CACNA1G: variants seen among roughly 807,000 people sequenced by gnomAD.
CACNA1G encodes calcium voltage-gated channel subunit alpha1 G.
A neutral mutation model predicts 219.4 loss-of-function variants in CACNA1G; 67 were observed. That is an observed-to-expected ratio of 0.31 (90% CI 0.25 to 0.37). The LOEUF (loss-of-function observed/expected upper bound fraction) is 0.37. Ranked by LOEUF, CACNA1G falls within the 10% of genes least tolerant of loss-of-function variation. The probability of loss-of-function intolerance (pLI) is 1.00; values close to 1 mark genes in which losing one functional copy is unlikely to be tolerated. For synonymous variants in CACNA1G, 1,296 were observed against 1,345.3 expected (o/e 0.96, Z 0.80); for missense variants, 2,380 against 3,231.4 (o/e 0.74, Z 6.39).
intron 9 of CACNA1G, among the ~76,000 whole-genome samples, chr17:50,589,898 C>CTT (rs1478322502): frequency 6.8e-6 from 1 of 146,592 alleles, no homozygotes; most frequent in African/African-American, 2.7e-5. Context: ...GCATTTTTCT[C>CTT]TCTCTCTCTC....
Position 50,623,978 on chromosome 17 carries a change from G to T in CACNA1G, c.6132G>T (p.Thr2044=), listed in dbSNP as rs773558567. 6 of 1,613,302 alleles carry T rather than the reference G, an allele frequency of 3.7e-6. No individual in the cohort carries two copies. Among genetic ancestry groups the T allele is most frequent in the Non-Finnish European group, 5.1e-6 (6 of 1,179,842 alleles). ...TGCGGAAGTCTGGGGTCAGCCGAAC[G>T]CACTCTCTGCCCAATGACAGCTACA... The part of the protein sequence containing the change: ...LTVRKSGVSR[T]HSLPNDSYMC... Residue 2044 remains threonine, a synonymous_variant, in exon 36 of 38, where the codon ACG becomes ACT. Coordinates refer to ENST00000359106, the MANE Select transcript of CACNA1G (RefSeq NM_018896.5).
In CACNA1G at chr17:50,575,622, A is replaced by G. The variant is rs1385019855; in HGVS notation, c.1220A>G (p.Gln407Arg). 1 of 1,613,798 alleles carries G rather than the reference A, an allele frequency of 6.2e-7. No homozygotes were observed. Among genetic ancestry groups the G allele is most frequent in the Non-Finnish European group, 8.5e-7 (1 of 1,179,888 alleles). ...TCAGAGACCAAGCAGCGGGAAAGCC[A>G]GCTGATGCGGGAGCAGCGTGTGCGG... ...QFSETKQRES[Q>R]LMREQRVRFL... Residue 407 changes from glutamine (Q) to arginine (R), a missense_variant, in exon 8 of 38, where the codon CAG (glutamine) becomes CGG (arginine). Gln to Arg is a conservative substitution (Grantham distance 43). Around this residue, in one of 17 missense-constraint regions of CACNA1G, gnomAD observed 72 missense variants for 175.8 expected, o/e 0.41. Coordinates refer to ENST00000359106, the MANE Select transcript of CACNA1G (RefSeq NM_018896.5).
At chr17:50,566,714 G>A (rs1312471448) in intron 1 of CACNA1G, among the ~76,000 whole-genome samples, 3 of 152,192 alleles carry the variant, frequency 2.0e-5, no homozygotes, top group Non-Finnish European at 2.9e-5. Flanking sequence ...TGGTTGATTC[G>A]TTCATTCATT....
chr17:50,623,538 C>T lies in CACNA1G; in HGVS notation c.6061-369C>T, dbSNP rs1275245527. 4.0e-5 allele frequency among the ~76,000 whole-genome samples: 6 copies of T among 151,820 alleles called. No homozygotes were observed. The East Asian group carries it at 1.2e-3, about 29-fold the overall frequency. On this transcript the variant is annotated intron_variant, in intron 35 of 37. Coordinates refer to ENST00000359106, the MANE Select transcript of CACNA1G (RefSeq NM_018896.5). ...GGGCCTTTAGAATCAGCTTGTGAGCCACCTGCAGGGCTGGGGGCTGGGGGC... is the reference window on the plus strand; with the variant it reads ...GGGCCTTTAGAATCAGCTTGTGAGCTACCTGCAGGGCTGGGGGCTGGGGGC...
In CACNA1G at chr17:50,621,530, C is replaced by A. The variant is rs1598797527; in HGVS notation, c.5926-130C>A. 3 of 980,732 alleles carry A rather than the reference C, an allele frequency of 3.1e-6. No individual in the cohort carries two copies. Among genetic ancestry groups the A allele is most frequent in the Non-Finnish European group, 4.5e-6 (3 of 661,776 alleles). The allele number at this position is 980,732 out of a possible 1,614,324, so 60.8% of individuals were successfully genotyped here. A position where few individuals can be genotyped will look rare whatever the true frequency, so the allele number is the denominator to read the frequency against. ...AAAGGGTGGGGAGAGAGAAGGGATGCCTTTTTCCCGCCCCCCTGTGCTTCG... is the reference window on the plus strand; with the variant it reads ...AAAGGGTGGGGAGAGAGAAGGGATGACTTTTTCCCGCCCCCCTGTGCTTCG... On this transcript the variant is annotated intron_variant, in intron 34 of 37. Transcript: ENST00000359106. This position sits in a 1 kb window ranked among gnomAD's most constrained non-coding sequence, Gnocchi z 4.6.
At chr17:50,606,108 G>A (rs774680405) in intron 23 of CACNA1G, 85 bp downstream of exon 23, 121 of 1,553,090 alleles carry the variant, frequency 7.8e-5, no homozygotes, top group Non-Finnish European at 1.0e-4. Flanking sequence ...TGCTGACTCC[G>A]GTGGAGGTGG....
At chr17:50,602,979 AG>A (rs757294531) in intron 20 of CACNA1G, 35 bp from the exon 21 acceptor site, 1 of 1,610,024 alleles carries the variant, frequency 6.2e-7, no homozygotes, top group East Asian at 2.2e-5. Context: ...GCTGCAGCGC[AG>A]GGAGGGCGGC....
At chr17:50,609,160 C>T (rs1194366395) in intron 25 of CACNA1G, among the ~76,000 whole-genome samples, 1 of 152,248 alleles carries the variant, frequency 6.6e-6, no homozygotes, top group East Asian at 1.9e-4. Context: ...TCCCCTCTGC[C>T]CTCAGCTCTA....
chr17:50,590,722 C>A lies in CACNA1G; in HGVS notation c.2453+100C>A, dbSNP rs1369042365. The A allele has an allele frequency of 5.0e-6, 6 of 1,188,478 alleles. No homozygotes were observed. In the African/African-American group the frequency reaches 9.1e-5, roughly 18 times the overall value. 73.6% of individuals were successfully genotyped at this position (1,188,478 alleles called of 1,614,324 possible). On this transcript the variant is annotated intron_variant, in intron 10 of 37. Coordinates refer to ENST00000359106, the MANE Select transcript of CACNA1G (RefSeq NM_018896.5). ...ACCTATTCCCCTGGGGTGGAGGGGT[C>A]TGGAGTCAGGCCCCACTGACCCCAC...
At chr17:50,588,211 T>C (rs563266221) in intron 9 of CACNA1G, among the ~76,000 whole-genome samples, 5 of 152,224 alleles carry the variant, frequency 3.3e-5, no homozygotes, top group African/African-American at 1.2e-4. Flanking sequence ...AGAAGACACG[T>C]TGTGTATCCA....
Position 50,595,022 on chromosome 17 carries a change from A to G in CACNA1G, c.2940A>G (p.Gly980=). 1.3e-6 allele frequency: 2 copies of G among 1,554,342 alleles called. No individual in the cohort carries two copies. The highest frequency in any genetic ancestry group is 1.2e-5 in the South Asian group (1 of 84,336). ...TCAGCAAACGGGAAGATGCGAGTGG[A>G]CAGTTAAGCTGTATTCAGCTGCCTG... ...EEISKREDAS[G]QLSCIQLPVD... is the part of the protein sequence containing the mutation. Residue 980 remains glycine (G), a synonymous_variant, in exon 14 of 38, where the codon GGA becomes GGG. Coordinates refer to ENST00000359106, the MANE Select transcript of CACNA1G (RefSeq NM_018896.5).
chr17:50,586,457 C>T (rs1598308135), intron 9 of CACNA1G, among the ~76,000 whole-genome samples: 3 of 152,324 alleles, frequency 2.0e-5, no homozygotes, highest in South Asian at 4.1e-4. Flanking sequence ...TGGACATCCT[C>T]CCAGGCTGTC....
In CACNA1G at chr17:50,600,709, C is replaced by T; in HGVS notation, c.3691-17C>T. On this transcript the variant is annotated splice_polypyrimidine_tract_variant and intron_variant, in intron 17 of 37. Transcript: ENST00000359106. This position sits in a 1 kb window ranked among gnomAD's most constrained non-coding sequence, Gnocchi z 4.1. ...TGGAGGCCTGGTCCTGCTCATACTCCAGTGTTTGTTCTGCAGAGCAAAGGG... is the reference window on the plus strand; with the variant it reads ...TGGAGGCCTGGTCCTGCTCATACTCTAGTGTTTGTTCTGCAGAGCAAAGGG... The T allele has an allele frequency of 6.2e-7, 1 of 1,609,856 alleles. No individual in the cohort carries two copies. The highest frequency in any genetic ancestry group is 1.1e-5 in the South Asian group (1 of 90,994).
chr17:50,589,145 A>T (rs4794166), intron 9 of CACNA1G, among the ~76,000 whole-genome samples: 65,889 of 152,044 alleles, frequency 0.43, 15,282 homozygotes, highest in East Asian at 0.89. Context: ...AGTGGGGTCC[A>T]TTGAGCCAAC....
chr17:50,605,311 G>A (rs1308872273), intron 22 of CACNA1G, among the ~76,000 whole-genome samples: 4 of 152,174 alleles, frequency 2.6e-5, no homozygotes, highest in Non-Finnish European at 4.4e-5. Context: ...ACCTGGGTTC[G>A]AGCTCCCTTT....
chr17:50,600,866 C>G lies in CACNA1G; in HGVS notation c.3791+40C>G, dbSNP rs1323844248. ...AGGGGTCTGACCTGTGTCCCGACCT[C>G]TTCTTCTCACGGGAAATTACCGCTG... On this transcript the variant is annotated intron_variant, in intron 18 of 37. Transcript: ENST00000359106. This position sits in a 1 kb window ranked among gnomAD's most constrained non-coding sequence, Gnocchi z 4.1. 6.3e-7 allele frequency: 1 copy of G among 1,587,650 alleles called. No homozygotes were observed. The highest frequency in any genetic ancestry group is 8.6e-7 in the Non-Finnish European group (1 of 1,156,492).
intron 9 of CACNA1G, among the ~76,000 whole-genome samples, chr17:50,583,242 G>C (rs2042318946): frequency 6.6e-6 from 1 of 152,122 alleles, no homozygotes; most frequent in African/African-American, 2.4e-5. Flanking sequence ...GAGCTTTGGG[G>C]GATGATCCTT....
At chr17:50,593,935 C>T (rs756948704) in intron 13 of CACNA1G, among the ~76,000 whole-genome samples, 18 of 152,228 alleles carry the variant, frequency 1.2e-4, no homozygotes, top group Non-Finnish European at 1.9e-4. Flanking sequence ...TCCAAGGCAC[C>T]TGCCCTCTCC....
chr17:50,606,028 G>A lies in CACNA1G; in HGVS notation c.4422+5G>A. ...AACTTTGACAACCTTGGCCAGGTGA[G>A]CCCCAGGCTCAGAGGTGGGGCTGTG... On this transcript the variant is annotated splice_donor_5th_base_variant and intron_variant, in intron 23 of 37. Coordinates refer to ENST00000359106, the MANE Select transcript of CACNA1G (RefSeq NM_018896.5). 6.2e-7 allele frequency: 1 copy of A among 1,613,848 alleles called. No homozygotes were observed. The highest frequency in any genetic ancestry group is 8.5e-7 in the Non-Finnish European group (1 of 1,179,810).
Sources: gnomAD v4.1 joint callset for allele counts (sites outside exome capture counted in the v4.1 genomes callset) on GRCh38, gnomAD v4.1.1 for gene constraint, gnomAD v4.1.1 regional missense constraint, Gnocchi (gnomAD v3.1) non-coding constraint, MANE v1.5 for transcripts, NCBI Gene and HGNC (gene_info 2026-07-23, HGNC 2026-07-21) for gene names.